The following RNGTT variants were observed in gnomAD, a reference collection of about 807,000 sequenced individuals.
RNGTT encodes the protein RNA guanylyltransferase and 5'-phosphatase, also known as mRNA-capping enzyme.
In RNGTT, 33 loss-of-function variants were observed where a neutral mutation model predicts 79.3. The ratio of observed to expected loss-of-function variants is 0.42; its 90% confidence interval spans 0.32 to 0.56. RNGTT has a LOEUF of 0.56. RNGTT is among the 20% of genes least tolerant of loss of function. The pLI, the probability that RNGTT is intolerant of heterozygous loss-of-function variation, is 0.17. For missense variants in RNGTT, 497 were observed against 739.1 expected (o/e 0.67, Z 3.80); for synonymous variants, 222 against 235.9 (o/e 0.94, Z 0.54).
intron 13 of RNGTT, among the ~76,000 whole-genome samples, chr6:88,690,279 T>C (rs1167926991): frequency 6.6e-6 from 1 of 152,154 alleles, no homozygotes; most frequent in Non-Finnish European, 1.5e-5. Context: ...CCAATGTTTA[T>C]TTTCAGATTT....
chr6:88,694,720 A>G (rs1775600763), intron 13 of RNGTT, among the ~76,000 whole-genome samples: 1 of 152,214 alleles, frequency 6.6e-6, no homozygotes, highest in South Asian at 2.1e-4. Context: ...AGTAATTAAA[A>G]CAGCATGGTA....
In RNGTT at chr6:88,762,906, G is replaced by T. The variant is rs115570349; in HGVS notation, c.1439+6868C>A. ...TTGCTTAAGAGGATCCACTACAGTC[G>T]TCTAAATGAAAGGTATTTTCTTTTT... On this transcript the variant is annotated intron_variant, in intron 13 of 15. Coordinates refer to ENST00000369485, the MANE Select transcript of RNGTT (RefSeq NM_003800.5). Among the ~76,000 whole-genome samples the T allele has an allele frequency of 2.3e-3, 346 of 151,784 alleles. 1 individual carries two copies. The highest frequency in any genetic ancestry group is 7.9e-3 in the African/African-American group (327 of 41,408).
chr6:88,772,667 A>C (rs1358049831), intron 12 of RNGTT, among the ~76,000 whole-genome samples: 1 of 152,232 alleles, frequency 6.6e-6, no homozygotes, highest in Non-Finnish European at 1.5e-5. Context: ...AAGGACATGA[A>C]CAGACACTTC....
intron 2 of RNGTT, 26 bp from the exon 3 acceptor site, chr6:88,929,293 C>G: frequency 7.6e-7 from 1 of 1,319,530 alleles, no homozygotes; most frequent in South Asian, 1.3e-5. Flanking sequence ...AATGAAAGGG[C>G]AAATTTACTA....
chr6:88,708,013 G>T (rs534649784), intron 13 of RNGTT, among the ~76,000 whole-genome samples: 57 of 152,046 alleles, frequency 3.7e-4, no homozygotes, highest in African/African-American at 1.4e-3. Context: ...TTCGAGGAGT[G>T]GACCAGAGAA....
chr6:88,846,079 C>T (rs890640032), intron 10 of RNGTT, among the ~76,000 whole-genome samples: 7 of 151,732 alleles, frequency 4.6e-5, no homozygotes, highest in Non-Finnish European at 1.0e-4. Context: ...TACCTTTATA[C>T]ATAAATTCAC....
At chr6:88,828,515 A>G (rs1780745194) in intron 11 of RNGTT, among the ~76,000 whole-genome samples, 1 of 152,184 alleles carries the variant, frequency 6.6e-6, no homozygotes, top group South Asian at 2.1e-4. Flanking sequence ...CTCATCAGCA[A>G]GGGAACAAAA....
chr6:88,844,648 A>G (rs1781429177), intron 10 of RNGTT, 127 bp from the exon 11 acceptor site: 7 of 797,308 alleles, frequency 8.8e-6, no homozygotes, highest in Non-Finnish European at 1.4e-5. Flanking sequence ...TTCAGTGCAC[A>G]GCGTGCACAA....
intron 14 of RNGTT, among the ~76,000 whole-genome samples, chr6:88,640,870 A>T (rs986983174): frequency 2.0e-5 from 3 of 152,188 alleles, no homozygotes; most frequent in African/African-American, 7.2e-5. Context: ...TAAGGTCCCT[A>T]TTAATGGAAA....
intron 12 of RNGTT, among the ~76,000 whole-genome samples, chr6:88,776,506 C>CA (rs1778888325): frequency 6.7e-6 from 1 of 149,170 alleles, no homozygotes; most frequent in Non-Finnish European, 1.5e-5. Flanking sequence ...TTTTTTTCTT[C>CA]TTTTTTTTAG....
At chr6:88,643,405 A>G (rs1354907882) in intron 14 of RNGTT, among the ~76,000 whole-genome samples, 2 of 152,200 alleles carry the variant, frequency 1.3e-5, no homozygotes, top group Non-Finnish European at 2.9e-5. Context: ...TAATAATGGG[A>G]GACTTTAACA....
intron 11 of RNGTT, among the ~76,000 whole-genome samples, chr6:88,809,722 A>G (rs1384806456): frequency 6.6e-6 from 1 of 152,214 alleles, no homozygotes; most frequent in Admixed American, 6.5e-5. Context: ...GCATATTTAC[A>G]GAAAATTTTG....
At chr6:88,950,890 A>AC (rs1383326450) in intron 1 of RNGTT, among the ~76,000 whole-genome samples, 4 of 148,504 alleles carry the variant, frequency 2.7e-5, no homozygotes, top group African/African-American at 1.0e-4. Context: ...ACAGGGTCTT[A>AC]CTCTGTCACT....
chr6:88,875,576 A>T (rs1343148176), intron 8 of RNGTT, among the ~76,000 whole-genome samples: 2 of 152,176 alleles, frequency 1.3e-5, no homozygotes, highest in Admixed American at 6.5e-5. Context: ...TTGCATTCAA[A>T]TCTCAGTCCT....
At chr6:88,818,203 A>G (rs1022413106) in intron 11 of RNGTT, among the ~76,000 whole-genome samples, 11 of 152,234 alleles carry the variant, frequency 7.2e-5, no homozygotes, top group Non-Finnish European at 1.0e-4. Context: ...ACACCTAAAA[A>G]TACAGCCAAA....
chr6:88,628,209 A>C (rs1263493872), intron 14 of RNGTT, among the ~76,000 whole-genome samples: 2 of 152,136 alleles, frequency 1.3e-5, no homozygotes, highest in African/African-American at 4.8e-5. Flanking sequence ...TTAAAAAGCC[A>C]CTCAGAAAAT....
At chr6:88,797,727 T>C (rs890750002) in intron 12 of RNGTT, among the ~76,000 whole-genome samples, 1 of 152,174 alleles carries the variant, frequency 6.6e-6, no homozygotes, top group Non-Finnish European at 1.5e-5. Flanking sequence ...ACAATATTTA[T>C]GTCACCATAA....
chr6:88,769,752 A>G (rs776244255), intron 13 of RNGTT, 22 bp downstream of exon 13: 1 of 1,464,706 alleles, frequency 6.8e-7, no homozygotes, highest in Non-Finnish European at 9.6e-7. Context: ...TTCATGCAAA[A>G]AGTACAAAAG....
chr6:88,908,487 C>T (rs1024965477), intron 4 of RNGTT, among the ~76,000 whole-genome samples: 4 of 152,128 alleles, frequency 2.6e-5, no homozygotes, highest in Non-Finnish European at 2.9e-5. Flanking sequence ...AGAGGCAAAG[C>T]AGACACAGTG....
Sources: allele counts gnomAD v4.1 joint callset (sites outside exome capture counted in the v4.1 genomes callset), GRCh38; gene constraint gnomAD v4.1.1; transcripts MANE v1.5; gene names NCBI Gene and HGNC (gene_info 2026-07-23, HGNC 2026-07-21).